DRAM1: variants seen among roughly 807,000 people sequenced by gnomAD.
DRAM1 encodes the protein DNA damage regulated autophagy modulator 1.
DRAM1 carries 25 observed loss-of-function variants against 28.5 expected under a neutral mutation model. The observed-to-expected ratio is 0.88, with a 90% CI of 0.64 to 1.23. The LOEUF is 1.23. Ranked by LOEUF, DRAM1 falls within the 50% of genes most tolerant of loss-of-function variation. The pLI is 0.00. For synonymous variants in DRAM1, 113 were observed against 114.2 expected (o/e 0.99, Z 0.07); for missense variants, 249 against 299.2 (o/e 0.83, Z 1.24).
At chr12:101,900,762 G>GT (rs1650330788) in intron 2 of DRAM1, among the ~76,000 whole-genome samples, 2 of 152,140 alleles carry the variant, frequency 1.3e-5, no homozygotes. Context: ...ATTGTGCATG[G>GT]TTTTTTGACC....
rs1412113072 is a variant in DRAM1 at position 101,897,938 on chromosome 12, C to T, written c.199+8C>T. 1.3e-6 allele frequency: 2 copies of T among 1,509,074 alleles called. No homozygotes were observed. Among genetic ancestry groups the T allele is most frequent in the South Asian group, 1.2e-5 (1 of 86,668 alleles). The allele number at this position is 1,509,074 out of a possible 1,614,324, so 93.5% of individuals were successfully genotyped here. ...ACTTCTCTGCATTTCTTGGTAAGTA[C>T]ACAATAATTATTATAAATAATTGAA... On this transcript the variant is annotated splice_region_variant and intron_variant, in intron 2 of 6. Coordinates refer to ENST00000258534, the MANE Select transcript of DRAM1 (RefSeq NM_018370.3).
chr12:101,916,680 A>G (rs1874256835), intron 5 of DRAM1, among the ~76,000 whole-genome samples: 1 of 152,220 alleles, frequency 6.6e-6, no homozygotes, highest in African/African-American at 2.4e-5. Flanking sequence ...CCCAAGGATC[A>G]GGTGGAAGAA....
In DRAM1 at chr12:101,883,314, GTTT is replaced by G. The variant is rs1225341398; in HGVS notation, c.131+5409_131+5411del. On this transcript the variant is annotated intron_variant, in intron 1 of 6. Coordinates refer to ENST00000258534, the MANE Select transcript of DRAM1 (RefSeq NM_018370.3). ...TTTGTTTTATTTTTTACCCAAATAG[GTTT>G]TTTTTTTTTTTTTTGAGATGGAGTT... 3.7e-5 allele frequency among the ~76,000 whole-genome samples: 4 copies of G among 109,120 alleles called. 1 individual carries two copies. The highest frequency in any genetic ancestry group is 1.8e-4 in the Admixed American group (2 of 10,918). 71.6% of individuals were successfully genotyped at this position (109,120 alleles called of 152,430 possible). A position where few individuals can be genotyped will look rare whatever the true frequency, so the allele number is the denominator to read the frequency against.
At chr12:101,895,733 G>C (rs985957015) in intron 1 of DRAM1, among the ~76,000 whole-genome samples, 1 of 149,918 alleles carries the variant, frequency 6.7e-6, no homozygotes, top group Admixed American at 6.7e-5. Context: ...ACCGCGCCTG[G>C]CTAATTTTTT....
intron 5 of DRAM1, among the ~76,000 whole-genome samples, chr12:101,919,835 C>T (rs1874408524): frequency 6.6e-6 from 1 of 152,194 alleles, no homozygotes; most frequent in Non-Finnish European, 1.5e-5. Context: ...AGCCATTTTG[C>T]AGTCCTTAGT....
intron 1 of DRAM1, among the ~76,000 whole-genome samples, chr12:101,888,758 G>A (rs940760834): frequency 6.8e-6 from 1 of 147,058 alleles, no homozygotes; most frequent in Non-Finnish European, 1.5e-5. Context: ...CTTGACTGAT[G>A]CAGGGCTGAT....
intron 3 of DRAM1, among the ~76,000 whole-genome samples, chr12:101,907,919 G>A (rs1873884920): frequency 6.6e-6 from 1 of 152,122 alleles, no homozygotes. Context: ...ACCAGACTCT[G>A]AAGCCCACCA....
chr12:101,885,035 G>GCGATT (rs1306916662), intron 1 of DRAM1, among the ~76,000 whole-genome samples: 14 of 151,238 alleles, frequency 9.3e-5, no homozygotes, highest in African/African-American at 2.7e-4. Context: ...CCTGGTTCAA[G>GCGATT]CGATTCTCCC....
chr12:101,913,460 C>G (rs988184557), intron 4 of DRAM1, among the ~76,000 whole-genome samples: 5 of 152,018 alleles, frequency 3.3e-5, no homozygotes, highest in African/African-American at 4.8e-5. Context: ...AATCCCAGCA[C>G]TTTGGGAGGC....
At chr12:101,887,145 C>CAAAAAAAAAAAA in intron 1 of DRAM1, among the ~76,000 whole-genome samples, 1 of 128,986 alleles carries the variant, frequency 7.8e-6, no homozygotes, top group Non-Finnish European at 1.7e-5. Context: ...AACTCCGTTT[C>CAAAAAAAAAAAA]AAAAAAAAAA....
intron 5 of DRAM1, among the ~76,000 whole-genome samples, chr12:101,917,824 G>T (rs369904715): frequency 3.9e-5 from 6 of 152,176 alleles, no homozygotes; most frequent in African/African-American, 1.2e-4. Context: ...TCATGCGAAG[G>T]GGGTTCAGTT....
chr12:101,882,107 A>ATTTTTTT lies in DRAM1; in HGVS notation c.131+4210_131+4216dup, dbSNP rs78402038. Among the ~76,000 whole-genome samples the ATTTTTTT allele has an allele frequency of 3.6e-3, 460 of 129,484 alleles. 7 individuals are homozygous for ATTTTTTT. The highest frequency in any genetic ancestry group is 4.9e-3 in the Non-Finnish European group (294 of 59,660). 84.9% of individuals were successfully genotyped at this position (129,484 alleles called of 152,430 possible). ...ATTGTTCAGTCATTCTGATGGTCTA[A>ATTTTTTT]TTTTTTTTTTTTTTTTTTTTTTTTT... On this transcript the variant is annotated intron_variant, in intron 1 of 6. Coordinates refer to ENST00000258534, the MANE Select transcript of DRAM1 (RefSeq NM_018370.3).
intron 1 of DRAM1, among the ~76,000 whole-genome samples, chr12:101,894,001 G>T (rs1873247264): frequency 6.6e-6 from 1 of 151,958 alleles, no homozygotes; most frequent in African/African-American, 2.4e-5. Context: ...CATGATCTTG[G>T]CTCACTGCAA....
chr12:101,905,131 C>G (rs1305540064), intron 3 of DRAM1, among the ~76,000 whole-genome samples: 1 of 152,114 alleles, frequency 6.6e-6, no homozygotes, highest in Non-Finnish European at 1.5e-5. Context: ...AACTCCTGGC[C>G]TCATGTGATC....
chr12:101,885,537 T>A (rs1872854241), intron 1 of DRAM1, among the ~76,000 whole-genome samples: 1 of 149,310 alleles, frequency 6.7e-6, no homozygotes, highest in African/African-American at 2.5e-5. Flanking sequence ...TTTTTTTTTT[T>A]TTTTTTTTTT....
intron 3 of DRAM1, 105 bp from the exon 4 acceptor site, chr12:101,908,081 C>T (rs1873890455): frequency 4.4e-6 from 4 of 899,194 alleles, no homozygotes; most frequent in Non-Finnish European, 6.7e-6. Context: ...AGAAGTGGTG[C>T]ATCTGTGATG....
intron 5 of DRAM1, among the ~76,000 whole-genome samples, chr12:101,915,683 C>T (rs1042321798): frequency 6.7e-6 from 1 of 150,076 alleles, no homozygotes; most frequent in African/African-American, 2.5e-5. Context: ...GCTGGGATTA[C>T]AGGCACTAGC....
At chr12:101,900,953 A>G (rs1483404634) in intron 2 of DRAM1, among the ~76,000 whole-genome samples, 1 of 152,214 alleles carries the variant, frequency 6.6e-6, no homozygotes, top group Non-Finnish European at 1.5e-5. Flanking sequence ...CCTGAAAACA[A>G]TGAAGTAGAT....
chr12:101,915,669 A>G (rs1346329251), intron 5 of DRAM1, among the ~76,000 whole-genome samples: 5 of 151,766 alleles, frequency 3.3e-5, no homozygotes, highest in Non-Finnish European at 7.4e-5. Context: ...CAGCCTCCCA[A>G]ATAGCTGGGA....
Sources: allele counts gnomAD v4.1 joint callset (sites outside exome capture counted in the v4.1 genomes callset), GRCh38; gene constraint gnomAD v4.1.1; transcripts MANE v1.5; gene names NCBI Gene and HGNC (gene_info 2026-07-23, HGNC 2026-07-21).